Variants in FAM227B observed in about 807,000 individuals in gnomAD.
FAM227B encodes family with sequence similarity 227 member B, also known as protein FAM227B.
A neutral mutation model predicts 73.8 loss-of-function variants in FAM227B; 88 were observed. The ratio of observed to expected loss-of-function variants is 1.19; its 90% CI spans 1.00 to 1.42. The LOEUF is 1.42. FAM227B is among the 40% of genes most tolerant of loss of function. The pLI is 0.00. For missense variants in FAM227B, 632 were observed against 590.9 expected (o/e 1.07, Z -0.72); for synonymous variants, 210 against 190.5 (o/e 1.10, Z -0.84).
intron 11 of FAM227B, among the ~76,000 whole-genome samples, chr15:49,490,268 T>C (rs117720507): frequency 0.014 from 2,170 of 151,924 alleles, 22 homozygotes; most frequent in Non-Finnish European, 0.021. Flanking sequence ...AGAGTTACAA[T>C]TGTTTTTGCA....
Position 49,504,415 on chromosome 15 carries a change from T to TAAAAAAAAA in FAM227B, c.1012+3795_1012+3796insTTTTTTTTT, listed in dbSNP as rs1459320484. ...CGTTGTGCACATGTACCCTAAAACT[T>TAAAAAAAAA]AAAGTATAATAAAAAAAAAGAAAAG... On this transcript the variant is annotated intron_variant, in intron 11 of 15. Transcript: ENST00000299338. Among the ~76,000 whole-genome samples the TAAAAAAAAA allele has an allele frequency of 9.8e-4, 86 of 87,514 alleles. No individual in the cohort carries two copies. The East Asian group carries it at 0.037, about 38-fold the overall frequency. The allele number at this position is 87,514 out of a possible 152,430, so 57.4% of individuals were successfully genotyped here. A position where few individuals can be genotyped will look rare whatever the true frequency, so the allele number is the denominator to read the frequency against.
At chr15:49,610,573 T>G (rs1424433221) in intron 3 of FAM227B, among the ~76,000 whole-genome samples, 1 of 152,090 alleles carries the variant, frequency 6.6e-6, no homozygotes, top group Non-Finnish European at 1.5e-5. Context: ...TTATTTATAT[T>G]CCAATCCACT....
chr15:49,616,429 A>G (rs1288929975), intron 1 of FAM227B, among the ~76,000 whole-genome samples: 1 of 152,184 alleles, frequency 6.6e-6, no homozygotes, highest in East Asian at 1.9e-4. Context: ...TAAGAAACTA[A>G]TATGAGGAGA....
chr15:49,561,617 T>C (rs948848942), intron 9 of FAM227B, among the ~76,000 whole-genome samples: 1 of 152,126 alleles, frequency 6.6e-6, no homozygotes, highest in African/African-American at 2.4e-5. Flanking sequence ...TGCTCAGCCA[T>C]GAAGCAGGTC....
rs535532220 is a variant in FAM227B at position 49,546,062 on chromosome 15, C to T, written c.748-4256G>A. On this transcript the variant is annotated intron_variant, in intron 9 of 15. Coordinates refer to ENST00000299338, the MANE Select transcript of FAM227B (RefSeq NM_152647.3). ...CATGTTGGTGTGCTGCACCCATTAA[C>T]TCGTCATTTAGCATTAGGTATATCT... is the stretch of plus-strand genomic sequence containing the variant. Among the ~76,000 whole-genome samples the T allele has an allele frequency of 2.2e-3, 335 of 151,932 alleles. 3 individuals are homozygous for T. Among genetic ancestry groups the T allele is most frequent in the Admixed American group, 9.0e-3 (137 of 15,254 alleles).
At chr15:49,567,895 G>A (rs1354919) in intron 9 of FAM227B, among the ~76,000 whole-genome samples, 134,693 of 151,992 alleles carry the variant, frequency 0.89, 61,051 homozygotes, top group Non-Finnish European at 0.98. Context: ...GTCCGCTTAA[G>A]TGGATCAAGA....
intron 4 of FAM227B, among the ~76,000 whole-genome samples, chr15:49,588,847 T>A (rs28518184): frequency 6.6e-6 from 1 of 151,274 alleles, no homozygotes; most frequent in Admixed American, 6.6e-5. Flanking sequence ...TGAAAATTTT[T>A]AAAAAGTTAA....
intron 11 of FAM227B, among the ~76,000 whole-genome samples, chr15:49,505,837 A>G (rs1460947417): frequency 6.6e-6 from 1 of 152,038 alleles, no homozygotes; most frequent in East Asian, 1.9e-4. Flanking sequence ...CTTCAAATTA[A>G]AGTGAAGAGA....
intron 11 of FAM227B, among the ~76,000 whole-genome samples, chr15:49,437,555 C>T (rs934121304): frequency 6.6e-6 from 1 of 151,594 alleles, no homozygotes; most frequent in Non-Finnish European, 1.5e-5. Flanking sequence ...AATCATATCT[C>T]TGTTTCTCAA....
At chr15:49,529,963 A>G (rs2060488554) in intron 10 of FAM227B, among the ~76,000 whole-genome samples, 1 of 151,716 alleles carries the variant, frequency 6.6e-6, no homozygotes, top group Non-Finnish European at 1.5e-5. Context: ...TTTATTGCTG[A>G]GTAGTTTTCC....
chr15:49,444,525 C>T (rs1264308511), intron 11 of FAM227B, among the ~76,000 whole-genome samples: 4 of 151,584 alleles, frequency 2.6e-5, no homozygotes, highest in Admixed American at 6.6e-5. Flanking sequence ...GATTGTAGTA[C>T]GTGGGTCTAA....
At chr15:49,572,486 G>C (rs1296048419) in intron 8 of FAM227B, among the ~76,000 whole-genome samples, 2 of 151,656 alleles carry the variant, frequency 1.3e-5, no homozygotes, top group Non-Finnish European at 2.9e-5. Flanking sequence ...TTTCCTTTTT[G>C]ATTTGTTCTT....
chr15:49,433,703 A>G (rs2050826786), intron 11 of FAM227B, among the ~76,000 whole-genome samples: 1 of 151,612 alleles, frequency 6.6e-6, no homozygotes, highest in African/African-American at 2.4e-5. Context: ...CACAGTTACC[A>G]CTGGTGACAC....
intron 11 of FAM227B, among the ~76,000 whole-genome samples, chr15:49,434,234 C>T (rs1369585420): frequency 6.6e-6 from 1 of 151,566 alleles, no homozygotes; most frequent in Non-Finnish European, 1.5e-5. Flanking sequence ...ACATAGTTTC[C>T]GCCTTTGTTT....
intron 3 of FAM227B, among the ~76,000 whole-genome samples, chr15:49,590,504 A>G (rs926760916): frequency 6.6e-6 from 1 of 152,218 alleles, no homozygotes; most frequent in African/African-American, 2.4e-5. Flanking sequence ...GGGGAAGATT[A>G]GAAGAGATAA....
chr15:49,368,314 T>C (rs2045516753), intron 12 of FAM227B, among the ~76,000 whole-genome samples: 1 of 152,190 alleles, frequency 6.6e-6, no homozygotes, highest in Non-Finnish European at 1.5e-5. Context: ...TAAGTTTTCC[T>C]CAATCTTTGT....
chr15:49,480,474 A>ATTTT lies in FAM227B; in HGVS notation c.1012+27733_1012+27736dup, dbSNP rs35283556. Among the ~76,000 whole-genome samples, 99 of 100,892 alleles carry ATTTT rather than the reference A, an allele frequency of 9.8e-4. 1 individual carries two copies. In the South Asian group the frequency reaches 0.015, roughly 15 times the overall value. The allele number at this position is 100,892 out of a possible 152,430, so 66.2% of individuals were successfully genotyped here. On this transcript the variant is annotated intron_variant, in intron 11 of 15. Transcript: ENST00000299338. ...AGGAATGCACCACCATGCCCAACTA[A>ATTTT]TTTTTTTTTTTTTTTTTTTTTTGGT...
chr15:49,573,889 G>T (rs772459763), intron 8 of FAM227B, among the ~76,000 whole-genome samples: 1 of 152,040 alleles, frequency 6.6e-6, no homozygotes, highest in African/African-American at 2.4e-5. Flanking sequence ...GTCTCTATAC[G>T]TACTGATTTG....
At chr15:49,490,681 T>C (rs1200942813) in intron 11 of FAM227B, among the ~76,000 whole-genome samples, 1 of 152,036 alleles carries the variant, frequency 6.6e-6, no homozygotes, top group Admixed American at 6.6e-5. Flanking sequence ...GGAAAGGGCA[T>C]AGCTCTACAT....
Sources: gnomAD v4.1 joint callset for allele counts (sites outside exome capture counted in the v4.1 genomes callset) on GRCh38, gnomAD v4.1.1 for gene constraint, MANE v1.5 for transcripts, NCBI Gene and HGNC (gene_info 2026-07-23, HGNC 2026-07-21) for gene names.